The following INCENP variants were observed in gnomAD, a reference collection of about 807,000 sequenced individuals.
INCENP encodes the protein binds and activates aurora-B and -C in vivo and in vitro.
In INCENP, 43 loss-of-function variants were observed where a neutral mutation model predicts 107.3. That is an observed-to-expected ratio of 0.40 (90% CI 0.31 to 0.52). The LOEUF (loss-of-function observed/expected upper bound fraction) is 0.52, where lower values mean the gene tolerates loss of function less well. INCENP is among the 20% of genes least tolerant of loss of function. The pLI, the probability that INCENP is intolerant of heterozygous loss-of-function variation, is 0.53. For missense variants in INCENP, 1,089 were observed against 1,250.9 expected, an observed-to-expected ratio of 0.87 and a Z score of 1.95; for synonymous variants, 488 against 494.4, an observed-to-expected ratio of 0.99 and a Z score of 0.17.
At chr11:62,139,502 A>G (rs1038276323) in intron 7 of INCENP, among the ~76,000 whole-genome samples, 2 of 152,166 alleles carry the variant, frequency 1.3e-5, no homozygotes, top group Non-Finnish European at 2.9e-5. Flanking sequence ...TCTGGTGGAA[A>G]GTGCACTGTA....
intron 11 of INCENP, 46 bp downstream of exon 11, chr11:62,141,557 T>G (rs1185867392): frequency 6.2e-7 from 1 of 1,612,042 alleles, no homozygotes; most frequent in African/African-American, 1.3e-5. Flanking sequence ...CACCTAGCAC[T>G]CACCCGCTGT....
chr11:62,137,217 C>T (rs142506654), intron 4 of INCENP, among the ~76,000 whole-genome samples: 50 of 152,200 alleles, frequency 3.3e-4, no homozygotes, highest in Middle Eastern at 3.4e-3. Context: ...AGCCGGAAGT[C>T]GCTTGAACCC....
Position 62,151,895 on chromosome 11 carries a change from C to T in INCENP, c.2676C>T (p.Thr892=), listed in dbSNP as rs1366341874. 1 of 1,613,972 alleles carries T rather than the reference C, an allele frequency of 6.2e-7. No individual in the cohort carries two copies. Among genetic ancestry groups the T allele is most frequent in the Non-Finnish European group, 8.5e-7 (1 of 1,180,050 alleles). ...GCAAGCCCCGCTATCACAAGCGCAC[C>T]AGCTCTGCTGTCTGGAACTCACCGC... is the stretch of plus-strand genomic sequence containing the variant. ...KKSKPRYHKR[T]SSAVWNSPPL... The change falls in exon 19 of 19, where the codon ACC becomes ACT. Residue 892 remains threonine, a synonymous_variant. Coordinates refer to ENST00000394818, the MANE Select transcript of INCENP (RefSeq NM_001040694.2).
At chr11:62,150,247 C>T (rs774020752) in intron 18 of INCENP, 40 bp downstream of exon 18, 3 of 1,607,728 alleles carry the variant, frequency 1.9e-6, no homozygotes, top group Non-Finnish European at 1.7e-6. Context: ...CTCAGGCCCT[C>T]CCTGGTCCTC....
intron 1 of INCENP, among the ~76,000 whole-genome samples, chr11:62,126,909 G>A (rs565784433): frequency 6.6e-6 from 1 of 152,350 alleles, no homozygotes; most frequent in African/African-American, 2.4e-5. Context: ...GTTCAGTACA[G>A]ATGCAGCTCT....
chr11:62,135,588 G>T (rs1344021545), intron 4 of INCENP, among the ~76,000 whole-genome samples: 2 of 151,880 alleles, frequency 1.3e-5, no homozygotes, highest in African/African-American at 4.8e-5. Context: ...TCTTTTAGAT[G>T]TGTCTGATTT....
intron 4 of INCENP, among the ~76,000 whole-genome samples, chr11:62,136,913 A>G (rs1203430040): frequency 6.6e-6 from 1 of 152,204 alleles, no homozygotes; most frequent in Non-Finnish European, 1.5e-5. Context: ...TAGTATCATG[A>G]TTAGTTACGA....
At chr11:62,127,902 C>T (rs905165931) in intron 1 of INCENP, among the ~76,000 whole-genome samples, 13 of 148,778 alleles carry the variant, frequency 8.7e-5, no homozygotes, top group Non-Finnish European at 1.6e-4. Flanking sequence ...GTCATGCTGG[C>T]GGGGGGGTGG....
chr11:62,137,292 G>C (rs899593276), intron 4 of INCENP, among the ~76,000 whole-genome samples: 4 of 152,158 alleles, frequency 2.6e-5, no homozygotes, highest in Non-Finnish European at 5.9e-5. Flanking sequence ...AACAGAGCAA[G>C]ACTCCGTCTC....
intron 2 of INCENP, 74 bp from the exon 3 acceptor site, chr11:62,128,696 G>T: frequency 1.9e-6 from 2 of 1,046,998 alleles, no homozygotes; most frequent in South Asian, 2.5e-5. Flanking sequence ...AAATGGGCAG[G>T]GGCCAGGCTG....
In INCENP at chr11:62,145,086, G is replaced by A; in HGVS notation, c.1710G>A (p.Val570=). 6.2e-7 allele frequency: 1 copy of A among 1,613,840 alleles called. No homozygotes were observed. The highest frequency in any genetic ancestry group is 8.5e-7 in the Non-Finnish European group (1 of 1,179,882). The stretch of plus-strand genomic sequence containing the variant: ...ACAAGCGGCGGCGGCTGGAGGAGGT[G>A]AAGCTGTAAGTGGCCTGGCTTCCTG... ...EEDKRRRLEE[V]KLKREERLRK... The change falls in exon 12 of 19, where the codon GTG becomes GTA. Residue 570 remains valine, a synonymous_variant. Coordinates refer to ENST00000394818, the MANE Select transcript of INCENP (RefSeq NM_001040694.2).
At chr11:62,140,867 T>C (rs1944102753) in intron 9 of INCENP, 46 bp downstream of exon 9, 1 of 1,613,554 alleles carries the variant, frequency 6.2e-7, no homozygotes, top group Non-Finnish European at 8.5e-7. Flanking sequence ...CCCCCTTCAG[T>C]ACCCTGCCCC....
In INCENP at chr11:62,145,070, G is replaced by A. The variant is rs750988591; in HGVS notation, c.1694G>A (p.Arg565Gln). The change falls in exon 12 of 19, where the codon CGG (arginine) becomes CAG (glutamine). Residue 565 changes from arginine (R) to glutamine (Q), a missense_variant. By Grantham distance (43) the Arg-to-Gln change is conservative. Coordinates refer to ENST00000394818, the MANE Select transcript of INCENP (RefSeq NM_001040694.2). ...RRQKVEEDKR[R>Q]RLEEVKLKRE... is the part of the protein sequence containing the mutation. The stretch of plus-strand genomic sequence containing the variant: ...CAGAAGGTGGAGGAGGACAAGCGGC[G>A]GCGGCTGGAGGAGGTGAAGCTGTAA... 37 of 1,613,498 alleles carry A rather than the reference G, an allele frequency of 2.3e-5. No homozygotes were observed. Among genetic ancestry groups the A allele is most frequent in the Middle Eastern group, 3.3e-4 (2 of 6,082 alleles).
In INCENP at chr11:62,152,051, G is replaced by A; in HGVS notation, c.*75G>A. The stretch of plus-strand genomic sequence containing the variant: ...TGTCTGTCTGTCGGTCTCTGTCTTG[G>A]TCTGTTGCCCTCCTTCTTGGCATGC... On this transcript the variant is annotated 3_prime_UTR_variant, in exon 19 of 19. Transcript: ENST00000394818. 8.6e-7 allele frequency: 1 copy of A among 1,163,784 alleles called. No individual in the cohort carries two copies. The highest frequency in any genetic ancestry group is 1.2e-6 in the Non-Finnish European group (1 of 812,970). The allele number at this position is 1,163,784 out of a possible 1,614,324, so 72.1% of individuals were successfully genotyped here. A position where few individuals can be genotyped will look rare whatever the true frequency, so the allele number is the denominator to read the frequency against.
At position 62,148,880 on chromosome 11, in the gene INCENP, G is replaced by A. The variant is rs752228033; in HGVS notation, c.2391+34G>A. The A allele has an allele frequency of 3.1e-5, 44 of 1,418,132 alleles. No individual in the cohort carries two copies. The Admixed American group carries it at 8.3e-4, about 27-fold the overall frequency. The allele number at this position is 1,418,132 out of a possible 1,614,324, so 87.8% of individuals were successfully genotyped here. ...TGGGCCCCAGTGGAGAGGCTCTCAG[G>A]TGGAGGGGCCCACTCTATTCTCTTC... On this transcript the variant is annotated intron_variant, in intron 17 of 18. Transcript: ENST00000394818.
intron 12 of INCENP, 22 bp from the exon 13 acceptor site, chr11:62,145,147 A>G: frequency 6.2e-7 from 1 of 1,614,140 alleles, no homozygotes. Flanking sequence ...GGGGCTCCCC[A>G]TGACTATCCT....
At chr11:62,147,811 C>T (rs554690293) in intron 15 of INCENP, among the ~76,000 whole-genome samples, 24 of 152,210 alleles carry the variant, frequency 1.6e-4, no homozygotes, top group African/African-American at 5.5e-4. Flanking sequence ...GGCGAGAAGG[C>T]GTAGGGTGTA....
At chr11:62,140,380 G>A (rs1367049933) in intron 8 of INCENP, 95 bp downstream of exon 8, 7 of 1,101,150 alleles carry the variant, frequency 6.4e-6, no homozygotes, top group Non-Finnish European at 9.7e-6. Flanking sequence ...TGTGCTCAGG[G>A]GCTTCAGAGC....
intron 4 of INCENP, among the ~76,000 whole-genome samples, chr11:62,132,249 A>G (rs545855508): frequency 6.6e-6 from 1 of 152,360 alleles, no homozygotes; most frequent in East Asian, 1.9e-4. Flanking sequence ...TAAGGAGGCC[A>G]TGGAGTCTGT....
Sources: allele counts gnomAD v4.1 joint callset (sites outside exome capture counted in the v4.1 genomes callset), GRCh38; gene constraint gnomAD v4.1.1; transcripts MANE v1.5; gene names NCBI Gene and HGNC (gene_info 2026-07-23, HGNC 2026-07-21).